The following CFAP70 variants were observed in gnomAD, a reference collection of about 807,000 sequenced individuals.
The protein encoded by CFAP70 is cilia- and flagella-associated protein 70.
Under a neutral mutation model 137.6 loss-of-function variants are expected in CFAP70, and 81 were observed. The ratio of observed to expected loss-of-function variants is 0.59; its 90% CI spans 0.49 to 0.71. The LOEUF (loss-of-function observed/expected upper bound fraction) is 0.71, where lower values mean the gene tolerates loss of function less well. CFAP70 is among the 30% of genes least tolerant of loss of function. The pLI, the probability that CFAP70 is intolerant of heterozygous loss-of-function variation, is 0.00. For synonymous variants in CFAP70, 382 were observed against 423.6 expected, an observed-to-expected ratio of 0.90 and a Z score of 1.20; for missense variants, 976 against 1,226.7, an observed-to-expected ratio of 0.80 and a Z score of 3.05.
intron 19 of CFAP70, among the ~76,000 whole-genome samples, chr10:73,279,658 A>G (rs1327054085): frequency 1.3e-5 from 2 of 152,114 alleles, no homozygotes; most frequent in Admixed American, 6.6e-5. Context: ...CAGGAGTTCA[A>G]GACCAGCCTG....
intron 25 of CFAP70, among the ~76,000 whole-genome samples, chr10:73,260,835 T>A (rs1184684251): frequency 6.6e-6 from 1 of 152,272 alleles, no homozygotes; most frequent in Non-Finnish European, 1.5e-5. Context: ...TAAATATTCC[T>A]CATTTTATTT....
intron 9 of CFAP70, among the ~76,000 whole-genome samples, chr10:73,317,944 C>A (rs1286105509): frequency 6.6e-6 from 1 of 152,104 alleles, no homozygotes; most frequent in African/African-American, 2.4e-5. Context: ...ACAAAGAGAT[C>A]TGCTTGTTAA....
exon 17 of CFAP70, chr10:73,291,925 C>G: frequency 6.2e-7 from 1 of 1,614,220 alleles, no homozygotes; most frequent in Non-Finnish European, 8.5e-7. Context: ...TCTGAAAACA[C>G]TCTTGTGCTT....
chr10:73,320,911 C>T (rs1031087123), intron 9 of CFAP70, among the ~76,000 whole-genome samples: 11 of 152,074 alleles, frequency 7.2e-5, no homozygotes, highest in Non-Finnish European at 1.2e-4. Flanking sequence ...AGGTGATCCG[C>T]CCGCCTCGGC....
chr10:73,329,382 C>G (rs991279944), intron 8 of CFAP70, among the ~76,000 whole-genome samples: 2 of 152,070 alleles, frequency 1.3e-5, no homozygotes, highest in Non-Finnish European at 2.9e-5. Context: ...AGAGATATAC[C>G]TAATGCTAAA....
chr10:73,350,973 ATG>A (rs963422702), intron 3 of CFAP70, among the ~76,000 whole-genome samples: 4 of 138,898 alleles, frequency 2.9e-5, no homozygotes, highest in Admixed American at 7.3e-5. Context: ...GTGTATATGT[ATG>A]TGTGTGTGTA....
Position 73,278,317 on chromosome 10 carries a change from T to C in CFAP70, c.2260A>G (p.Ile754Val), listed in dbSNP as rs1475992643. The C allele has an allele frequency of 4.3e-6, 7 of 1,613,744 alleles. No homozygotes were observed. In the African/African-American group the frequency reaches 9.3e-5, roughly 22 times the overall value. Residue 754 changes from isoleucine to valine, a missense_variant, in exon 20 of 27, where the codon ATT (isoleucine) becomes GTT (valine). Transcript: ENST00000310715. ...GATTCTTCAAGAAATTTGTCTAGAA[T>C]AGATAATGCAGCTCCTGGTCCTAAA...
rs539417737 is a variant in CFAP70, at chr10:73,284,739, CATATATATATATATATATATATATAT to C, written c.2240-6428_2240-6403del. On this transcript the variant is annotated intron_variant, in intron 19 of 26. Transcript: ENST00000310715. ...CCTATGGGCCATATATGACCTGCCA[CATATATATATATATATATATATATAT>C]ATATATATATATATATATATATATA... is the stretch of plus-strand genomic sequence containing the variant. 5.3e-3 allele frequency among the ~76,000 whole-genome samples: 145 copies of C among 27,488 alleles called. 3 individuals are homozygous for C. Among genetic ancestry groups the C allele is most frequent in the East Asian group, 8.8e-3 (3 of 340 alleles). 18.0% of individuals were successfully genotyped at this position (27,488 alleles called of 152,430 possible). A position where few individuals can be genotyped will look rare whatever the true frequency, so the allele number is the denominator to read the frequency against.
At chr10:73,327,433 A>C (rs972115298) in intron 8 of CFAP70, among the ~76,000 whole-genome samples, 11 of 151,472 alleles carry the variant, frequency 7.3e-5, no homozygotes, top group Non-Finnish European at 1.5e-4. Context: ...GGCACAAGAC[A>C]GGGATGCCCT....
chr10:73,336,700 C>T (rs534847847), intron 6 of CFAP70, among the ~76,000 whole-genome samples: 20 of 151,322 alleles, frequency 1.3e-4, no homozygotes, highest in African/African-American at 4.4e-4. Flanking sequence ...TCTCCTGCCT[C>T]AGCCTCTGTG....
chr10:73,299,234 C>T, intron 13 of CFAP70, 133 bp from the exon 15 acceptor site: 1 of 702,902 alleles, frequency 1.4e-6, no homozygotes, highest in South Asian at 2.1e-5. Context: ...GTTTTAGAGA[C>T]AAGGTCTCTC....
At chr10:73,302,821 G>C (rs1198093608) in intron 12 of CFAP70, among the ~76,000 whole-genome samples, 2 of 151,812 alleles carry the variant, frequency 1.3e-5, no homozygotes, top group Non-Finnish European at 2.9e-5. Flanking sequence ...GGCTCAGCCT[G>C]CAACGAAAGG....
chr10:73,355,427 T>A (rs1004439388), intron 1 of CFAP70, among the ~76,000 whole-genome samples: 1 of 152,226 alleles, frequency 6.6e-6, no homozygotes, highest in Non-Finnish European at 1.5e-5. Flanking sequence ...ACTGTCTAGC[T>A]GCAGGAAAAC....
intron 6 of CFAP70, among the ~76,000 whole-genome samples, chr10:73,340,851 G>T (rs971050610): frequency 1.2e-4 from 19 of 152,212 alleles, no homozygotes; most frequent in Non-Finnish European, 1.0e-4. Context: ...CCAAGCCTGT[G>T]GGGGCAGGAG....
chr10:73,259,061 C>T (rs551883551), intron 25 of CFAP70, among the ~76,000 whole-genome samples: 38 of 152,250 alleles, frequency 2.5e-4, no homozygotes, highest in African/African-American at 8.9e-4. Context: ...ACACCCTATT[C>T]GTACACCCCT....
intron 19 of CFAP70, 128 bp downstream of exon 20, chr10:73,291,098 T>G: frequency 2.6e-6 from 2 of 755,666 alleles, no homozygotes; most frequent in South Asian, 3.4e-5. Context: ...CACTGCAACC[T>G]TGAACTCCTG....
At chr10:73,256,834 C>CTGTG (rs2044556586) in intron 25 of CFAP70, among the ~76,000 whole-genome samples, 1 of 138,748 alleles carries the variant, frequency 7.2e-6, no homozygotes, top group African/African-American at 2.7e-5. Context: ...ACCCAGGAGG[C>CTGTG]AGAGGTTGCA....
At chr10:73,347,358 G>C (rs2132478905) in intron 4 of CFAP70, among the ~76,000 whole-genome samples, 1 of 152,222 alleles carries the variant, frequency 6.6e-6, no homozygotes, top group East Asian at 1.9e-4. Flanking sequence ...GGGAGGTAAA[G>C]GTAGGTACGA....
chr10:73,258,914 A>C (rs1201139018), intron 25 of CFAP70, among the ~76,000 whole-genome samples: 1 of 152,206 alleles, frequency 6.6e-6, no homozygotes, highest in African/African-American at 2.4e-5. Flanking sequence ...ATAAGATGTC[A>C]TCATTGATAA....
Sources: gnomAD v4.1 joint callset for allele counts (sites outside exome capture counted in the v4.1 genomes callset) on GRCh38, gnomAD v4.1.1 for gene constraint, MANE v1.5 for transcripts, NCBI Gene and HGNC (gene_info 2026-07-23, HGNC 2026-07-21) for gene names.